CR1: variants seen among roughly 807,000 people sequenced by gnomAD.
CR1 encodes complement receptor type 1.
CR1 carries 116 observed loss-of-function variants against 187.3 expected under a neutral mutation model. That is an observed-to-expected ratio of 0.62 (90% CI 0.53 to 0.72). The LOEUF is 0.72. Ranked by LOEUF, CR1 falls within the 30% of genes least tolerant of loss-of-function variation. The pLI, the probability that CR1 is intolerant of heterozygous loss-of-function variation, is 0.00. For missense variants in CR1, 1,731 were observed against 2,110.7 expected (o/e 0.82, Z 3.52); for synonymous variants, 576 against 747.1 (o/e 0.77, Z 3.73).
In CR1 at chr1:207,616,952, G is replaced by T. The variant is rs1008187698; in HGVS notation, c.6889+150G>T. ...CTACCTCCCAAGTGAATGACAAACG[G>T]GTTATAGATAGGCACGCTGTCTCAA... On this transcript the variant is annotated intron_variant, in intron 41 of 46. Coordinates refer to ENST00000367049, the MANE Select transcript of CR1 (RefSeq NM_000651.6). 5.9e-6 allele frequency: 7 copies of T among 1,186,956 alleles called. No individual in the cohort carries two copies. In the African/African-American group the frequency reaches 1.1e-4, roughly 18 times the overall value. 73.5% of individuals were successfully genotyped at this position (1,186,956 alleles called of 1,614,324 possible). A position where few individuals can be genotyped will look rare whatever the true frequency, so the allele number is the denominator to read the frequency against.
chr1:207,576,484 A>G (rs928811690), intron 28 of CR1, among the ~76,000 whole-genome samples: 13 of 152,170 alleles, frequency 8.5e-5, no homozygotes, highest in African/African-American at 2.7e-4. Context: ...CTTTGTCTTT[A>G]TTAGTTCTTC....
chr1:207,609,388 C>G lies in CR1; in HGVS notation c.5995C>G (p.His1999Asp). 1 of 1,613,920 alleles carries G rather than the reference C, an allele frequency of 6.2e-7. No homozygotes were observed. Among genetic ancestry groups the G allele is most frequent in the Non-Finnish European group, 8.5e-7 (1 of 1,179,850 alleles). Residue 1999 changes from histidine (H) to aspartate (D), a missense_variant, in exon 37 of 47, where the codon CAC becomes GAC. By Grantham distance (81) the His-to-Asp change is moderately conservative. Transcript: ENST00000367049. ...HNGTVVTYQC[H>D]TGPDGEQLFE... ...TGGAACGGTGGTAACTTACCAGTGC[C>G]ACACTGGACCAGATGGAGAACAGCT... is the stretch of plus-strand genomic sequence containing the variant.
intron 35 of CR1, chr1:207,606,618 T>C (rs1223161530): frequency 1.3e-5 from 2 of 152,252 alleles, no homozygotes; most frequent in African/African-American, 2.4e-5. Flanking sequence ...TTTGTGACGT[T>C]GCTCACAGTA....
chr1:207,572,997 C>A (rs969520053), intron 27 of CR1, among the ~76,000 whole-genome samples: 1 of 152,168 alleles, frequency 6.6e-6, no homozygotes, highest in Non-Finnish European at 1.5e-5. Flanking sequence ...TTCATGACCT[C>A]ACCTTAACTT....
chr1:207,616,860 C>A (rs981655521), intron 41 of CR1, 58 bp downstream of exon 41: 52 of 1,577,518 alleles, frequency 3.3e-5, no homozygotes, highest in Non-Finnish European at 4.1e-5. Context: ...TAAGAACCTC[C>A]ATATTTCTAT....
intron 5 of CR1, among the ~76,000 whole-genome samples, chr1:207,526,032 A>G (rs1329252700): frequency 6.6e-6 from 1 of 152,120 alleles, no homozygotes; most frequent in Non-Finnish European, 1.5e-5. Flanking sequence ...CTGAGTTCCA[A>G]TCAACTATAT....
rs1423089942 is a variant in CR1, at chr1:207,577,845, T to C, written c.4578T>C (p.Asp1526=). Residue 1526 remains aspartate, a synonymous_variant, in exon 29 of 47, where the codon GAT becomes GAC. Transcript: ENST00000367049. ...TACCCCCAACCATCGCCAATGGAGA[T>C]TTCATTAGCACCAACAGAGAGAATT... ...CGLPPTIANG[D]FISTNRENFH... is the part of the protein sequence containing the mutation. The C allele has an allele frequency of 6.2e-7, 1 of 1,613,828 alleles. No individual in the cohort carries two copies. Among genetic ancestry groups the C allele is most frequent in the Admixed American group, 1.7e-5 (1 of 60,018 alleles).
intron 2 of CR1, 23 bp downstream of exon 2, chr1:207,506,106 C>A (rs747756659): frequency 6.2e-7 from 1 of 1,606,258 alleles, no homozygotes; most frequent in African/African-American, 1.3e-5. Context: ...GGAGTGGGAA[C>A]CCCCCTGTTA....
chr1:207,511,180 C>G (rs139005093), intron 3 of CR1, among the ~76,000 whole-genome samples: 1 of 152,076 alleles, frequency 6.6e-6, no homozygotes, highest in Non-Finnish European at 1.5e-5. Context: ...ATCCATGCAT[C>G]CATACTTTTA....
chr1:207,499,085 A>G (rs1477128138), intron 1 of CR1, among the ~76,000 whole-genome samples: 1 of 152,144 alleles, frequency 6.6e-6, no homozygotes, highest in African/African-American at 2.4e-5. Flanking sequence ...GAGTGGATCA[A>G]GAAACAAGAC....
chr1:207,586,845 T>A (rs1226255726), intron 33 of CR1, among the ~76,000 whole-genome samples: 1 of 152,230 alleles, frequency 6.6e-6, no homozygotes, highest in Admixed American at 6.5e-5. Context: ...AAGAACCTAA[T>A]CTTAATTCTA....
At chr1:207,596,539 G>A (rs913793522) in intron 35 of CR1, among the ~76,000 whole-genome samples, 1 of 151,904 alleles carries the variant, frequency 6.6e-6, no homozygotes, top group Non-Finnish European at 1.5e-5. Context: ...ACTTGAACCC[G>A]GGAGGCGGAG....
intron 45 of CR1, among the ~76,000 whole-genome samples, chr1:207,625,290 C>A (rs1434140207): frequency 6.6e-6 from 1 of 152,158 alleles, no homozygotes; most frequent in Non-Finnish European, 1.5e-5. Context: ...CATGGCACAA[C>A]CATTCTCTCT....
Position 207,617,577 on chromosome 1 carries a change from GTA to G in CR1, c.6890-459_6890-458del, listed in dbSNP as rs747792167. Among the ~76,000 whole-genome samples the G allele has an allele frequency of 3.8e-3, 180 of 47,168 alleles. 4 individuals are homozygous for G. The highest frequency in any genetic ancestry group is 4.2e-3 in the Non-Finnish European group (105 of 24,740). 30.9% of individuals were successfully genotyped at this position (47,168 alleles called of 152,430 possible). On this transcript the variant is annotated intron_variant, in intron 41 of 46. Coordinates refer to ENST00000367049, the MANE Select transcript of CR1 (RefSeq NM_000651.6). Reference sequence around the variant, plus strand: ...TATATGTGTATATATATGTGTGTGTGTATATATATATATATATATATATATAT... The same window carrying G: ...TATATGTGTATATATATGTGTGTGTGTATATATATATATATATATATATAT...
chr1:207,616,539 T>C, intron 40 of CR1, 36 bp from the exon 41 acceptor site: 1 of 1,602,496 alleles, frequency 6.2e-7, no homozygotes, highest in Non-Finnish European at 8.5e-7. Context: ...TTAAGTGAAA[T>C]TCTAATAGAA....
In CR1 at chr1:207,616,710, T is replaced by C. The variant is rs770457031; in HGVS notation, c.6797T>C (p.Ile2266Thr). The C allele has an allele frequency of 1.4e-5, 23 of 1,613,886 alleles. No individual in the cohort carries two copies. Among genetic ancestry groups the C allele is most frequent in the East Asian group, 1.3e-4 (6 of 44,880 alleles). The stretch of plus-strand genomic sequence containing the variant: ...GACAGAGGGATGACCTTCAACCTCA[T>C]TGGGGAGAGCTCCATCCGCTGCACA... ...HPDRGMTFNL[I>T]GESSIRCTSD... is the part of the protein sequence containing the mutation. The change falls in exon 41 of 47, where the codon ATT becomes ACT. Residue 2266 changes from isoleucine (I) to threonine (T), a missense_variant. Coordinates refer to ENST00000367049, the MANE Select transcript of CR1 (RefSeq NM_000651.6).
intron 36 of CR1, among the ~76,000 whole-genome samples, chr1:207,608,272 C>A (rs1364768828): frequency 6.6e-6 from 1 of 152,078 alleles, no homozygotes; most frequent in Non-Finnish European, 1.5e-5. Context: ...GTTGAGATGC[C>A]TCATCCAAGT....
chr1:207,578,458 A>G (rs1376081157), intron 29 of CR1, among the ~76,000 whole-genome samples: 1 of 152,250 alleles, frequency 6.6e-6, no homozygotes, highest in Non-Finnish European at 1.5e-5. Flanking sequence ...TCTCAGGGCA[A>G]AGTACCAGCT....
At chr1:207,577,265 CA>C (rs58120393) in intron 28 of CR1, among the ~76,000 whole-genome samples, 2 of 147,284 alleles carry the variant, frequency 1.4e-5, no homozygotes, top group Admixed American at 6.7e-5. Flanking sequence ...AACAAACAAA[CA>C]AAAAAAAAAC....
Sources: gnomAD v4.1 joint callset for allele counts (sites outside exome capture counted in the v4.1 genomes callset) on GRCh38, gnomAD v4.1.1 for gene constraint, MANE v1.5 for transcripts, NCBI Gene and HGNC (gene_info 2026-07-23, HGNC 2026-07-21) for gene names.